The following GJB7 variants were observed in gnomAD, a reference collection of about 807,000 sequenced individuals.
The protein encoded by GJB7 is gap junction protein beta 7, also known as gap junction beta-7 protein.
For missense variants in GJB7, 253 were observed against 256.8 expected (o/e 0.99, Z 0.10); for synonymous variants, 87 against 95.2 (o/e 0.91, Z 0.50).
chr6:87,313,531 T>G (rs1776539865), intron 2 of GJB7, among the ~76,000 whole-genome samples: 1 of 152,208 alleles, frequency 6.6e-6, no homozygotes, highest in Admixed American at 6.5e-5. Flanking sequence ...CCATTCCTAA[T>G]CCATAAAGAT....
At chr6:87,293,834 C>G (rs1295002248) in intron 2 of GJB7, among the ~76,000 whole-genome samples, 1 of 152,158 alleles carries the variant, frequency 6.6e-6, no homozygotes, top group Non-Finnish European at 1.5e-5. Context: ...GTGTAATTTT[C>G]CAGACAAAGA....
chr6:87,284,542 T>G lies in GJB7; in HGVS notation c.371A>C (p.Tyr124Ser), dbSNP rs767103442. The change falls in exon 3 of 3, where the codon TAT becomes TCT. Residue 124 changes from tyrosine (Y) to serine (S), a missense_variant. Transcript: ENST00000525899. ...AGTTTTAACAATGAGGCTGATAAGA[T>G]AAGCGTACCATAGGCCCCCATCCAT... is the stretch of plus-strand genomic sequence containing the variant. ...GTMDGGLWYA[Y>S]LISLIVKTGF... 7.4e-6 allele frequency: 12 copies of G among 1,614,034 alleles called. No individual in the cohort carries two copies. The African/African-American group carries it at 1.3e-4, about 18-fold the overall frequency.
At chr6:87,304,562 C>T (rs542960304) in intron 2 of GJB7, among the ~76,000 whole-genome samples, 1 of 152,212 alleles carries the variant, frequency 6.6e-6, no homozygotes, top group East Asian at 1.9e-4. Context: ...AAGTCCAGGA[C>T]CAGATGTATT....
intron 2 of GJB7, among the ~76,000 whole-genome samples, chr6:87,306,703 C>G (rs1375205899): frequency 6.6e-6 from 1 of 152,094 alleles, no homozygotes; most frequent in Non-Finnish European, 1.5e-5. Context: ...ATAAATCATG[C>G]TGCTATAAAG....
chr6:87,305,111 G>A (rs1030196953), intron 2 of GJB7, among the ~76,000 whole-genome samples: 3 of 152,096 alleles, frequency 2.0e-5, no homozygotes, highest in Non-Finnish European at 4.4e-5. Flanking sequence ...TTTGAAAACT[G>A]GCATAAGATA....
chr6:87,312,035 G>A (rs411606), intron 2 of GJB7, among the ~76,000 whole-genome samples: 92,480 of 151,782 alleles, frequency 0.61, 28,477 homozygotes, highest in African/African-American at 0.65. Context: ...AGGGGAGGGA[G>A]TGGATAGTGA....
chr6:87,316,986 C>A (rs1776592890), intron 2 of GJB7, among the ~76,000 whole-genome samples: 1 of 152,144 alleles, frequency 6.6e-6, no homozygotes, highest in Non-Finnish European at 1.5e-5. Context: ...CACATACCAT[C>A]CTCTGTGTTA....
intron 2 of GJB7, among the ~76,000 whole-genome samples, chr6:87,287,037 C>T (rs1041435943): frequency 3.3e-5 from 5 of 152,156 alleles, no homozygotes; most frequent in Non-Finnish European, 5.9e-5. Flanking sequence ...AGCTAGAAAC[C>T]AGTAGCCAAC....
At chr6:87,320,113 C>T (rs1425951148) in intron 2 of GJB7, among the ~76,000 whole-genome samples, 1 of 151,936 alleles carries the variant, frequency 6.6e-6, no homozygotes, top group African/African-American at 2.4e-5. Context: ...GATAGCACAA[C>T]ACGGTGACTA....
intron 2 of GJB7, among the ~76,000 whole-genome samples, chr6:87,305,170 C>T (rs1163392277): frequency 6.6e-6 from 1 of 152,092 alleles, no homozygotes; most frequent in South Asian, 2.1e-4. Flanking sequence ...TGGAAGTTCT[C>T]ACCAGGGCAA....
chr6:87,303,082 G>T (rs865828200), intron 2 of GJB7, among the ~76,000 whole-genome samples: 1 of 152,198 alleles, frequency 6.6e-6, no homozygotes, highest in African/African-American at 2.4e-5. Context: ...ATGCCAAATT[G>T]TAAAGACCAT....
At chr6:87,298,880 C>G (rs897224001) in intron 2 of GJB7, 1 of 396,372 alleles carries the variant, frequency 2.5e-6, no homozygotes, top group Non-Finnish European at 5.0e-6. Context: ...GATTCCCAAG[C>G]CTTACTGCTT....
chr6:87,299,284 G>T, intron 2 of GJB7: 1 of 480,214 alleles, frequency 2.1e-6, no homozygotes, highest in South Asian at 1.6e-5. Flanking sequence ...TTCTGCAAAT[G>T]GAGACAAAGA....
rs147936490 is a variant in GJB7 at position 87,321,458 on chromosome 6, C to T, written c.-28+1408G>A. Among the ~76,000 whole-genome samples, 1,235 of 152,182 alleles carry T rather than the reference C, an allele frequency of 8.1e-3. 7 individuals carry two copies. The highest frequency in any genetic ancestry group is 0.012 in the Non-Finnish European group (820 of 68,012). On this transcript the variant is annotated intron_variant, in intron 2 of 2. Transcript: ENST00000525899. ...TATATTTTACCAGTCTTACGATCTC[C>T]GTTTTAATGTTAATGCTGGTCAGTT...
At chr6:87,326,353 G>C (rs1562220328) in intron 1 of GJB7, among the ~76,000 whole-genome samples, 1 of 152,086 alleles carries the variant, frequency 6.6e-6, no homozygotes. Flanking sequence ...TCTTAATTGT[G>C]ATGTTAGGGT....
intron 2 of GJB7, among the ~76,000 whole-genome samples, chr6:87,315,219 A>T (rs1776563726): frequency 6.6e-6 from 1 of 152,132 alleles, no homozygotes; most frequent in South Asian, 2.1e-4. Flanking sequence ...TCTTCCTAGC[A>T]TCTGTTTCCC....
intron 2 of GJB7, among the ~76,000 whole-genome samples, chr6:87,292,191 T>C (rs1776185037): frequency 6.6e-6 from 1 of 152,246 alleles, no homozygotes; most frequent in Non-Finnish European, 1.5e-5. Flanking sequence ...AAATCGCTCA[T>C]ATACACGCAG....
intron 2 of GJB7, among the ~76,000 whole-genome samples, chr6:87,294,993 A>G (rs1776229764): frequency 6.6e-6 from 1 of 152,190 alleles, no homozygotes; most frequent in Non-Finnish European, 1.5e-5. Context: ...AAAATGGGAA[A>G]AGCATTCCTT....
At chr6:87,285,163 T>C (rs1323573926) in intron 2 of GJB7, among the ~76,000 whole-genome samples, 1 of 152,156 alleles carries the variant, frequency 6.6e-6, no homozygotes, top group African/African-American at 2.4e-5. Context: ...AATTTGAGAT[T>C]TGGTTGGTCA....
Sources: gnomAD v4.1 joint callset for allele counts (sites outside exome capture counted in the v4.1 genomes callset) on GRCh38, gnomAD v4.1.1 for gene constraint, MANE v1.5 for transcripts, NCBI Gene and HGNC (gene_info 2026-07-23, HGNC 2026-07-21) for gene names.